The following KIAA1549L variants were observed in gnomAD, a reference collection of about 807,000 sequenced individuals.
KIAA1549L encodes the protein KIAA1549 like.
In KIAA1549L, 88 loss-of-function variants were observed where a neutral mutation model predicts 160.7. The observed-to-expected ratio is 0.55, with a 90% confidence interval of 0.46 to 0.65. KIAA1549L has a LOEUF of 0.65. KIAA1549L is among the 30% of genes least tolerant of loss of function. KIAA1549L has a pLI of 0.00. For synonymous variants in KIAA1549L, 950 were observed against 976.7 expected, an observed-to-expected ratio of 0.97 and a Z score of 0.51; for missense variants, 2,258 against 2,437.5, an observed-to-expected ratio of 0.93 and a Z score of 1.55.
intron 13 of KIAA1549L, among the ~76,000 whole-genome samples, chr11:33,601,241 G>T (rs1850352687): frequency 6.6e-6 from 1 of 152,106 alleles, no homozygotes; most frequent in Non-Finnish European, 1.5e-5. Flanking sequence ...GGTTGCTTCT[G>T]TTTACAGGTT....
At chr11:33,457,926 A>G (rs1219417297) in intron 1 of KIAA1549L, among the ~76,000 whole-genome samples, 1 of 152,178 alleles carries the variant, frequency 6.6e-6, no homozygotes, top group Non-Finnish European at 1.5e-5. Flanking sequence ...TCTCTCTTCT[A>G]CAGTCCAGAA....
chr11:33,419,349 A>T (rs1188571792), intron 1 of KIAA1549L, among the ~76,000 whole-genome samples: 1 of 152,156 alleles, frequency 6.6e-6, no homozygotes, highest in Non-Finnish European at 1.5e-5. Flanking sequence ...TTATCAGCCA[A>T]TCTTTATACT....
At position 33,661,735 on chromosome 11, in the gene KIAA1549L, C is replaced by T. The variant is rs558131035; in HGVS notation, c.6159+721C>T. Among the ~76,000 whole-genome samples the T allele has an allele frequency of 2.6e-5, 4 of 152,138 alleles. No individual in the cohort carries two copies. The South Asian group carries it at 8.3e-4, about 32-fold the overall frequency. Reference sequence around the variant, plus strand: ...TCTCTACTAAAACCACAAAAATTAGCTGGGCGTGATGGTGAGTGCCTGTAA... The same window carrying T: ...TCTCTACTAAAACCACAAAAATTAGTTGGGCGTGATGGTGAGTGCCTGTAA... On this transcript the variant is annotated intron_variant, in intron 20 of 20. Coordinates refer to ENST00000658780, the MANE Select transcript of KIAA1549L (RefSeq NM_012194.3).
At chr11:33,583,654 A>G (rs1258339198) in intron 11 of KIAA1549L, among the ~76,000 whole-genome samples, 153 bp downstream of exon 11, 5 of 152,012 alleles carry the variant, frequency 3.3e-5, no homozygotes, top group African/African-American at 1.2e-4. Context: ...TAGTCTCAGG[A>G]CCTGATGGTT....
chr11:33,578,930 C>A (rs191633023), intron 10 of KIAA1549L, among the ~76,000 whole-genome samples: 34 of 152,326 alleles, frequency 2.2e-4, no homozygotes, highest in African/African-American at 8.2e-4. Flanking sequence ...CTTGGAAGAT[C>A]TAGCTCCAGT....
chr11:33,511,742 A>C (rs549448069), intron 1 of KIAA1549L, among the ~76,000 whole-genome samples: 1 of 152,310 alleles, frequency 6.6e-6, no homozygotes, highest in Admixed American at 6.5e-5. Flanking sequence ...AAGAACCTGG[A>C]CTTTGGAGTC....
In KIAA1549L at chr11:33,574,820, A is replaced by G; in HGVS notation, c.4349A>G (p.Asp1450Gly). 1 of 1,614,016 alleles carries G rather than the reference A, an allele frequency of 6.2e-7. No individual in the cohort carries two copies. Among genetic ancestry groups the G allele is most frequent in the Non-Finnish European group, 8.5e-7 (1 of 1,179,872 alleles). ...TAAAKILSTI[D>G]SQRMALTLHH... is the part of the protein sequence containing the mutation. ...GCTGCCAAGATCCTGAGCACCATTG[A>G]TTCCCAAAGGATGGCCTTGACCCTT... Residue 1450 changes from aspartate (D) to glycine (G), a missense_variant, in exon 10 of 21, where the codon GAT (aspartate) becomes GGT (glycine). Asp to Gly is a moderately conservative substitution (Grantham distance 94). Around this residue, in one of 6 missense-constraint regions of KIAA1549L, gnomAD observed 1,359 missense variants for 1,546.6 expected, o/e 0.88. Transcript: ENST00000658780.
chr11:33,597,757 GTGAAGGGC>G, intron 12 of KIAA1549L, among the ~76,000 whole-genome samples: 1 of 152,300 alleles, frequency 6.6e-6, no homozygotes, highest in African/African-American at 2.4e-5. Context: ...CTTGCCCTGT[GTGAAGGGC>G]TGCCTTATCT....
intron 10 of KIAA1549L, among the ~76,000 whole-genome samples, chr11:33,575,944 C>T (rs1453203891): frequency 6.6e-6 from 1 of 152,074 alleles, no homozygotes; most frequent in Non-Finnish European, 1.5e-5. Context: ...ATTGGAACTG[C>T]CCATTTTTAG....
At chr11:33,383,053 G>C (rs984674936) in intron 1 of KIAA1549L, among the ~76,000 whole-genome samples, 1 of 152,060 alleles carries the variant, frequency 6.6e-6, no homozygotes, top group African/African-American at 2.4e-5. Context: ...AAATAAGTTA[G>C]ATATCCCTTT....
rs1039329615 is a variant in KIAA1549L, at chr11:33,487,461, C to T, written c.239-54341C>T. Among the ~76,000 whole-genome samples, 10 of 145,226 alleles carry T rather than the reference C, an allele frequency of 6.9e-5. No homozygotes were observed. The South Asian group carries it at 8.7e-4, about 13-fold the overall frequency. On this transcript the variant is annotated intron_variant, in intron 1 of 20. Transcript: ENST00000658780. ...GTATCCTTAGCAGCCAACATCCAGA[C>T]GGTCTTGAATGTTTGTTGAATGACT...
At chr11:33,610,210 G>A (rs1289341961) in intron 15 of KIAA1549L, among the ~76,000 whole-genome samples, 1 of 151,690 alleles carries the variant, frequency 6.6e-6, no homozygotes, top group African/African-American at 2.4e-5. Flanking sequence ...TCAGCTTAAT[G>A]GTATTTTCAA....
At chr11:33,661,061 A>G in intron 20 of KIAA1549L, 47 bp downstream of exon 20, 2 of 1,534,012 alleles carry the variant, frequency 1.3e-6, no homozygotes, top group South Asian at 2.4e-5. Context: ...TGCTTAACAC[A>G]TGCCAAAAAG....
Position 33,569,496 on chromosome 11 carries a change from ACTGT to A in KIAA1549L, c.4230+1272_4230+1275del, listed in dbSNP as rs200711621. Among the ~76,000 whole-genome samples, 1,212 of 152,280 alleles carry A rather than the reference ACTGT, an allele frequency of 8.0e-3. 14 individuals carry two copies. The highest frequency in any genetic ancestry group is 0.027 in the African/African-American group (1,137 of 41,548). On this transcript the variant is annotated intron_variant, in intron 9 of 20. Coordinates refer to ENST00000658780, the MANE Select transcript of KIAA1549L (RefSeq NM_012194.3). ...CCATAGCACACATGCATAGTATCAC[ACTGT>A]CTAAGAGTAAGCATTTTAAGGGAAA...
intron 1 of KIAA1549L, among the ~76,000 whole-genome samples, chr11:33,435,488 G>A (rs1056973753): frequency 4.6e-5 from 7 of 151,676 alleles, no homozygotes; most frequent in African/African-American, 1.7e-4. Context: ...ATTATAGTAG[G>A]GAAAATGAAG....
Position 33,543,408 on chromosome 11 carries a change from A to G in KIAA1549L, c.1845A>G (p.Pro615=). ...TCTCATCTCCCATCATTACAGCACC[A>G]AGGACGAATCCCCTTCCTTCAGGAC... ...GSVSSPIITA[P]RTNPLPSGPP... The change falls in exon 2 of 21, where the codon CCA becomes CCG. Residue 615 remains proline, a synonymous_variant. Coordinates refer to ENST00000658780, the MANE Select transcript of KIAA1549L (RefSeq NM_012194.3). The G allele has an allele frequency of 1.9e-6, 3 of 1,613,966 alleles. No homozygotes were observed. The highest frequency in any genetic ancestry group is 2.5e-6 in the Non-Finnish European group (3 of 1,179,876).
intron 6 of KIAA1549L, among the ~76,000 whole-genome samples, chr11:33,554,830 A>T (rs1035770868): frequency 2.0e-5 from 3 of 152,232 alleles, no homozygotes; most frequent in African/African-American, 7.2e-5. Flanking sequence ...GGGAGGATGG[A>T]TGCTGGGTAG....
In KIAA1549L at chr11:33,672,824, C is replaced by T. The variant is rs1852705655; in HGVS notation, c.*4670C>T. ...GGCCCAGTTAGCACAATGTCTTGCT[C>T]AGCAGACAATAAATACTTGTAAATT... On this transcript the variant is annotated 3_prime_UTR_variant, in exon 21 of 21. Coordinates refer to ENST00000658780, the MANE Select transcript of KIAA1549L (RefSeq NM_012194.3). 1 of 153,792 alleles carries T rather than the reference C, an allele frequency of 6.5e-6. No homozygotes were observed. Among genetic ancestry groups the T allele is most frequent in the South Asian group, 2.1e-4 (1 of 4,828 alleles). The allele number at this position is 153,792 out of a possible 1,614,324, so 9.5% of individuals were successfully genotyped here. A position where few individuals can be genotyped will look rare whatever the true frequency, so the allele number is the denominator to read the frequency against.
intron 19 of KIAA1549L, 96 bp downstream of exon 19, chr11:33,658,994 C>T: frequency 7.8e-7 from 1 of 1,276,870 alleles, no homozygotes; most frequent in East Asian, 2.7e-5. Flanking sequence ...CTACCTACCA[C>T]CCTCAGGAAT....
Sources: allele counts gnomAD v4.1 joint callset (sites outside exome capture counted in the v4.1 genomes callset), GRCh38; gene constraint gnomAD v4.1.1; regional missense constraint gnomAD v4.1.1; transcripts MANE v1.5; gene names NCBI Gene and HGNC (gene_info 2026-07-23, HGNC 2026-07-21).